The following ZNF613 variants were observed in gnomAD, a reference collection of about 807,000 sequenced individuals.
ZNF613 encodes zinc finger protein 613.
In ZNF613, 8 loss-of-function variants were observed where a neutral mutation model predicts 14.3. The observed-to-expected ratio is 0.56, with a 90% CI of 0.33 to 1.01. The LOEUF is 1.01. ZNF613 is among the 50% of genes least tolerant of loss of function. The pLI, the probability that ZNF613 is intolerant of heterozygous loss-of-function variation, is 0.03. For synonymous variants in ZNF613, 228 were observed against 254.5 expected, an observed-to-expected ratio of 0.90 and a Z score of 0.99; for missense variants, 656 against 741.9, an observed-to-expected ratio of 0.88 and a Z score of 1.35.
intron 2 of ZNF613, among the ~76,000 whole-genome samples, chr19:51,931,282 AT>A (rs2085262044): frequency 1.3e-5 from 2 of 152,196 alleles, no homozygotes; most frequent in Admixed American, 1.3e-4. Flanking sequence ...GCAAAGTGTT[AT>A]TTCCAAAATT....
rs777295679 is a variant in ZNF613, at chr19:51,936,204, C to T, written c.-17C>T. On this transcript the variant is annotated 5_prime_UTR_variant, in exon 3 of 6. Transcript: ENST00000293471. ...ACAGCATCCTACTTACTGGCTATTT[C>T]CCAGTAACAAAAGAAAATGATCAAG... 6 of 1,603,672 alleles carry T rather than the reference C, an allele frequency of 3.7e-6. No individual in the cohort carries two copies. The East Asian group carries it at 9.0e-5, about 24-fold the overall frequency.
intron 2 of ZNF613, among the ~76,000 whole-genome samples, chr19:51,933,850 G>A (rs1335298445): frequency 1.3e-5 from 2 of 152,204 alleles, no homozygotes; most frequent in Non-Finnish European, 2.9e-5. Context: ...CCAGACTGGA[G>A]TGCAGTGGTG....
chr19:51,930,912 A>G (rs909498481), intron 2 of ZNF613, among the ~76,000 whole-genome samples: 1 of 152,214 alleles, frequency 6.6e-6, no homozygotes, highest in Non-Finnish European at 1.5e-5. Context: ...CATTGCCACC[A>G]TGTACCTACC....
At chr19:51,935,629 G>A (rs1462094397) in intron 2 of ZNF613, among the ~76,000 whole-genome samples, 1 of 152,210 alleles carries the variant, frequency 6.6e-6, no homozygotes, top group Non-Finnish European at 1.5e-5. Flanking sequence ...CATGTGAGGT[G>A]TATGATGACT....
intron 2 of ZNF613, among the ~76,000 whole-genome samples, chr19:51,933,547 G>A (rs1487857527): frequency 6.6e-6 from 1 of 152,068 alleles, no homozygotes; most frequent in Non-Finnish European, 1.5e-5. Flanking sequence ...GGGCTCAAGT[G>A]ATCCTCCCAC....
At position 51,940,298 on chromosome 19, in the gene ZNF613, C is replaced by G. The variant is rs766471007; in HGVS notation, c.105C>G (p.Asp35Glu). Residue 35 changes from aspartate to glutamate, a missense_variant, in exon 4 of 6, where the codon GAC becomes GAG. Asp to Glu is a conservative substitution (Grantham distance 45). Coordinates refer to ENST00000293471, the MANE Select transcript of ZNF613 (RefSeq NM_001031721.4). ...LGPAQKDLYR[D>E]VMLENYSNLV... is the part of the protein sequence containing the mutation. ...CTGCTCAGAAGGACCTGTACCGAGA[C>G]GTGATGTTGGAGAACTATAGCAACC... The G allele has an allele frequency of 6.2e-7, 1 of 1,613,634 alleles. No individual in the cohort carries two copies. Among genetic ancestry groups the G allele is most frequent in the Non-Finnish European group, 8.5e-7 (1 of 1,179,798 alleles).
chr19:51,945,617 T>A lies in ZNF613; in HGVS notation c.1734T>A (p.Ser578=), dbSNP rs2085394360. 6.2e-7 allele frequency: 1 copy of A among 1,614,220 alleles called. No homozygotes were observed. Among genetic ancestry groups the A allele is most frequent in the Non-Finnish European group, 8.5e-7 (1 of 1,180,034 alleles). The change falls in exon 6 of 6, where the codon TCT becomes TCA. Residue 578 remains serine (S), a synonymous_variant. Transcript: ENST00000293471. ...ACATGGTGACTCTGCAGATGCCTTC[T>A]GTGGCAGCTCAGACCTCATTAACTA... is the stretch of plus-strand genomic sequence containing the variant. The part of the protein sequence containing the change: ...SVNMVTLQMP[S]VAAQTSLTNS...
At position 51,945,533 on chromosome 19, in the gene ZNF613, C is replaced by T. The variant is rs1341237148; in HGVS notation, c.1650C>T (p.Cys550=). 6.2e-7 allele frequency: 1 copy of T among 1,614,046 alleles called. No individual in the cohort carries two copies. The highest frequency in any genetic ancestry group is 1.3e-5 in the African/African-American group (1 of 74,916). ...GTTCAGTCAAATTGGAAAATCCTTG[C>T]TCAGAGAGTCATAGCTTATCACATA... ...CVGSVKLENP[C]SESHSLSHTR... Residue 550 remains cysteine (C), a synonymous_variant, in exon 6 of 6, where the codon TGC becomes TGT. Coordinates refer to ENST00000293471, the MANE Select transcript of ZNF613 (RefSeq NM_001031721.4).
At chr19:51,930,220 A>G (rs2085253347) in intron 2 of ZNF613, among the ~76,000 whole-genome samples, 1 of 151,966 alleles carries the variant, frequency 6.6e-6, no homozygotes, top group African/African-American at 2.4e-5. Flanking sequence ...TAAACGCTAC[A>G]ATATAATATG....
chr19:51,942,564 A>G (rs1331520367), intron 5 of ZNF613, among the ~76,000 whole-genome samples: 1 of 152,192 alleles, frequency 6.6e-6, no homozygotes, highest in African/African-American at 2.4e-5. Context: ...ACTTCAAGGA[A>G]GCCTGTGTGA....
intron 5 of ZNF613, among the ~76,000 whole-genome samples, chr19:51,943,457 C>A (rs1408696591): frequency 6.6e-6 from 1 of 152,208 alleles, no homozygotes; most frequent in Non-Finnish European, 1.5e-5. Context: ...CCACCTGTGT[C>A]ACTTAGTAGC....
chr19:51,940,051 G>C (rs964370844), intron 3 of ZNF613, among the ~76,000 whole-genome samples, 158 bp from the exon 4 acceptor site: 1 of 152,026 alleles, frequency 6.6e-6, no homozygotes. Flanking sequence ...TTTGGAGATG[G>C]ATTTTTGCCT....
In ZNF613 at chr19:51,945,186, A is replaced by T; in HGVS notation, c.1303A>T (p.Lys435Ter). ...EKPYVCNECGKGFSQKTCLIS... is the reference protein window; with the variant it reads ...EKPYVCNECG ...ACCCTATGTATGCAATGAATGTGGGAAAGGCTTCAGCCAGAAGACATGTTT... is the reference window on the plus strand; with the variant it reads ...ACCCTATGTATGCAATGAATGTGGGTAAGGCTTCAGCCAGAAGACATGTTT... Residue 435 changes from lysine to a stop codon, truncating the protein, a stop_gained, in exon 6 of 6, where the codon AAA becomes TAA. Transcript: ENST00000293471. LOFTEE classifies it low-confidence loss of function (END_TRUNC). 1 of 1,614,222 alleles carries T rather than the reference A, an allele frequency of 6.2e-7. No homozygotes were observed. Among genetic ancestry groups the T allele is most frequent in the Non-Finnish European group, 8.5e-7 (1 of 1,180,028 alleles).
At chr19:51,943,609 G>T (rs1054035238) in intron 5 of ZNF613, among the ~76,000 whole-genome samples, 1 of 152,120 alleles carries the variant, frequency 6.6e-6, no homozygotes, top group Non-Finnish European at 1.5e-5. Context: ...ATTTGTTATT[G>T]TTAATCTCTT....
In ZNF613 at chr19:51,929,871, T is replaced by G. The variant is rs1362577394; in HGVS notation, c.-219T>G. 6.6e-6 allele frequency: 1 copy of G among 152,162 alleles called. No homozygotes were observed. Among genetic ancestry groups the G allele is most frequent in the Non-Finnish European group, 1.5e-5 (1 of 68,018 alleles). The allele number at this position is 152,162 out of a possible 1,614,324, so 9.4% of individuals were successfully genotyped here. A position where few individuals can be genotyped will look rare whatever the true frequency, so the allele number is the denominator to read the frequency against. On this transcript the variant is annotated 5_prime_UTR_variant, in exon 2 of 6. It adds an upstream start codon to the 5' untranslated region. Transcript: ENST00000293471. ...CACATTTATCCATCTTGTAAAATATTGCTTTGTTTTTTGGTGCATTTCAAA... is the reference window on the plus strand; with the variant it reads ...CACATTTATCCATCTTGTAAAATATGGCTTTGTTTTTTGGTGCATTTCAAA...
rs545541491 is a variant in ZNF613 at position 51,938,903 on chromosome 19, A to G, written c.16-1306A>G. Among the ~76,000 whole-genome samples the G allele has an allele frequency of 6.6e-5, 10 of 151,818 alleles. No homozygotes were observed. The East Asian group carries it at 1.9e-3, about 29-fold the overall frequency. Reference sequence around the variant, plus strand: ...CCTAATGATGCATTTCTCAGAATGTATCCTTGTTATTAAATGACACATGAA... The same window carrying G: ...CCTAATGATGCATTTCTCAGAATGTGTCCTTGTTATTAAATGACACATGAA... On this transcript the variant is annotated intron_variant, in intron 3 of 5. Transcript: ENST00000293471.
At position 51,946,417 on chromosome 19, in the gene ZNF613, G is replaced by A. The variant is rs2085402082; in HGVS notation, c.*680G>A. On this transcript the variant is annotated 3_prime_UTR_variant, in exon 6 of 6. Transcript: ENST00000293471. ...GTACCTCTTCCCCCTTTTTTGATAA[G>A]AGTCTTCTATTCCCAACCAAGATCA... 1 of 152,074 alleles carries A rather than the reference G, an allele frequency of 6.6e-6. No individual in the cohort carries two copies. Among genetic ancestry groups the A allele is most frequent in the African/African-American group, 2.4e-5 (1 of 41,390 alleles). 9.4% of individuals were successfully genotyped at this position (152,074 alleles called of 1,614,324 possible).
At chr19:51,934,669 AG>A (rs1305260990) in intron 2 of ZNF613, among the ~76,000 whole-genome samples, 2 of 152,198 alleles carry the variant, frequency 1.3e-5, no homozygotes, top group African/African-American at 4.8e-5. Context: ...ATACTCCTCC[AG>A]GGAAAGGACT....
Position 51,944,502 on chromosome 19 carries a change from A to C in ZNF613, c.619A>C (p.Thr207Pro). Reference sequence around the variant, plus strand: ...AAACATAGATAAACCCCATGTATGCACTGAGTGTGGGAAGGCTTTCCTCAA... The same window carrying C: ...AAACATAGATAAACCCCATGTATGCCCTGAGTGTGGGAAGGCTTTCCTCAA... Reference protein sequence around the residue: ...TQNIDKPHVCTECGKAFLKKS... With the variant: ...TQNIDKPHVCPECGKAFLKKS... Residue 207 changes from threonine (T) to proline (P), a missense_variant, in exon 6 of 6, where the codon ACT (threonine) becomes CCT (proline). Physicochemically the swap from Thr to Pro is conservative, Grantham distance 38 (BLOSUM62 -1). Coordinates refer to ENST00000293471, the MANE Select transcript of ZNF613 (RefSeq NM_001031721.4). The C allele has an allele frequency of 6.2e-7, 1 of 1,611,814 alleles. No homozygotes were observed. The highest frequency in any genetic ancestry group is 8.5e-7 in the Non-Finnish European group (1 of 1,178,366).
Sources: gnomAD v4.1 joint callset for allele counts (sites outside exome capture counted in the v4.1 genomes callset) on GRCh38, gnomAD v4.1.1 for gene constraint, MANE v1.5 for transcripts, NCBI Gene and HGNC (gene_info 2026-07-23, HGNC 2026-07-21) for gene names.